The following CDH18 variants were observed in gnomAD, a reference collection of about 807,000 sequenced individuals.
CDH18 encodes cadherin-18.
Under a neutral mutation model 67.9 loss-of-function variants are expected in CDH18, and 31 were observed. That is an observed-to-expected ratio of 0.46 (90% CI 0.34 to 0.62). The LOEUF (loss-of-function observed/expected upper bound fraction) is 0.62, where lower values mean the gene tolerates loss of function less well. Among genes scored for constraint, CDH18 ranks in the 20% least tolerant of loss-of-function variants. The pLI, the probability that CDH18 is intolerant of heterozygous loss-of-function variation, is 0.01. For synonymous variants in CDH18, 362 were observed against 347.2 expected (o/e 1.04, Z -0.48); for missense variants, 890 against 975.5 (o/e 0.91, Z 1.17).
At chr5:20,072,347 G>A (rs559425765) in intron 2 of CDH18, among the ~76,000 whole-genome samples, 12 of 152,122 alleles carry the variant, frequency 7.9e-5, no homozygotes, top group African/African-American at 2.9e-4. Flanking sequence ...AGGTATCTGG[G>A]ATTAAAGTTT....
intron 5 of CDH18, among the ~76,000 whole-genome samples, chr5:19,676,125 A>G (rs1202253450): frequency 6.6e-6 from 1 of 152,032 alleles, no homozygotes; most frequent in Admixed American, 6.6e-5. Context: ...GGTCTCTGAA[A>G]TAACACAGTC....
intron 1 of CDH18, among the ~76,000 whole-genome samples, chr5:20,349,084 A>C (rs1231359054): frequency 6.6e-6 from 1 of 152,162 alleles, no homozygotes; most frequent in African/African-American, 2.4e-5. Context: ...AGAATAGTTA[A>C]AAAGTTGATA....
chr5:20,172,239 T>TAC lies in CDH18; in HGVS notation c.-518+83204_-518+83205insGT, dbSNP rs1491444874. ...ATATATATATGTATATATATATATA[T>TAC]GTATATATATATATATATCTCCTCT... On this transcript the variant is annotated intron_variant, in intron 2 of 14. Coordinates refer to the CDH18 transcript ENST00000507958. Among the ~76,000 whole-genome samples the TAC allele has an allele frequency of 2.0e-3, 111 of 54,440 alleles. 4 individuals carry two copies. The highest frequency in any genetic ancestry group is 3.0e-3 in the Non-Finnish European group (81 of 26,910). 35.7% of individuals were successfully genotyped at this position (54,440 alleles called of 152,430 possible). A position where few individuals can be genotyped will look rare whatever the true frequency, so the allele number is the denominator to read the frequency against.
At chr5:20,114,384 G>A (rs1035151340) in intron 2 of CDH18, among the ~76,000 whole-genome samples, 5 of 151,902 alleles carry the variant, frequency 3.3e-5, no homozygotes, top group South Asian at 2.1e-4. Context: ...CCTGAGACCC[G>A]ATAATATTTA....
chr5:20,549,298 C>A (rs538647625), intron 1 of CDH18, among the ~76,000 whole-genome samples: 1 of 152,078 alleles, frequency 6.6e-6, no homozygotes, highest in African/African-American at 2.4e-5. Flanking sequence ...TTTATTCTTT[C>A]ATATTGACAC....
At chr5:20,377,251 C>T (rs1057328410) in intron 1 of CDH18, among the ~76,000 whole-genome samples, 8 of 152,148 alleles carry the variant, frequency 5.3e-5, no homozygotes, top group African/African-American at 1.9e-4. Context: ...TTATTTCTAT[C>T]ATATACCATA....
At chr5:20,486,782 T>C (rs774517843) in intron 1 of CDH18, among the ~76,000 whole-genome samples, 1 of 151,908 alleles carries the variant, frequency 6.6e-6, no homozygotes, top group Non-Finnish European at 1.5e-5. Flanking sequence ...TGGTACTGTA[T>C]GTTATCTACT....
intron 1 of CDH18, among the ~76,000 whole-genome samples, chr5:20,563,626 A>C (rs948129855): frequency 1.2e-4 from 19 of 152,090 alleles, no homozygotes; most frequent in Middle Eastern, 3.2e-3. Flanking sequence ...TATACGTTTT[A>C]AATTGGTGTT....
At chr5:19,927,407 C>A (rs1353253556) in intron 2 of CDH18, among the ~76,000 whole-genome samples, 1 of 152,084 alleles carries the variant, frequency 6.6e-6, no homozygotes, top group Non-Finnish European at 1.5e-5. Flanking sequence ...CGCAACCTGC[C>A]AAATTCAAAA....
chr5:20,012,509 A>C lies in CDH18; in HGVS notation c.-517-20495T>G, dbSNP rs1316265388. Among the ~76,000 whole-genome samples the C allele has an allele frequency of 1.6e-4, 25 of 151,968 alleles. 1 individual carries two copies. The highest frequency in any genetic ancestry group is 1.6e-3 in the Admixed American group (25 of 15,218). ...TGAGAGCCAAATAAATAATGCAATC[A>C]CATTTCCAGTAGCTGCAAGAAGAAT... is the stretch of plus-strand genomic sequence containing the variant. On this transcript the variant is annotated intron_variant, in intron 2 of 14. Coordinates refer to the CDH18 transcript ENST00000507958.
chr5:20,537,829 C>G (rs79754888), intron 1 of CDH18, among the ~76,000 whole-genome samples: 1 of 152,112 alleles, frequency 6.6e-6, no homozygotes, highest in Admixed American at 6.6e-5. Flanking sequence ...TGTACTTTGT[C>G]GTCCTCTGTG....
chr5:20,388,541 T>G (rs2150111053), intron 1 of CDH18, among the ~76,000 whole-genome samples: 1 of 152,320 alleles, frequency 6.6e-6, no homozygotes, highest in South Asian at 2.1e-4. Flanking sequence ...CTTGATTTTT[T>G]GAAGGGTTTT....
At chr5:19,818,658 G>C (rs1182160744) in intron 3 of CDH18, among the ~76,000 whole-genome samples, 1 of 152,116 alleles carries the variant, frequency 6.6e-6, no homozygotes. Flanking sequence ...AGGCTATATG[G>C]TGCAGCCTAT....
chr5:19,477,816 A>G (rs574788515), intron 12 of CDH18, among the ~76,000 whole-genome samples: 1 of 152,272 alleles, frequency 6.6e-6, no homozygotes, highest in Non-Finnish European at 1.5e-5. Context: ...TACAAAAAAA[A>G]GAAAAGATAT....
intron 1 of CDH18, among the ~76,000 whole-genome samples, chr5:20,525,584 C>A: frequency 6.6e-6 from 1 of 152,154 alleles, no homozygotes; most frequent in Middle Eastern, 3.4e-3. Context: ...AGCTTACTAG[C>A]CAGGAGATGA....
chr5:20,304,344 C>T (rs1736226175), intron 1 of CDH18: 2 of 1,525,474 alleles, frequency 1.3e-6, no homozygotes, highest in Non-Finnish European at 9.1e-7. Flanking sequence ...AATTCATTAT[C>T]TTTCTTGTAA....
chr5:20,207,740 AG>A (rs890124490), intron 2 of CDH18, among the ~76,000 whole-genome samples: 29 of 152,138 alleles, frequency 1.9e-4, no homozygotes, highest in African/African-American at 7.0e-4. Flanking sequence ...GTGGGGACAC[AG>A]AGCCAAACCA....
At position 19,874,624 on chromosome 5, in the gene CDH18, G is replaced by A. The variant is rs551607291; in HGVS notation, c.-256-35382C>T. 6.2e-4 allele frequency among the ~76,000 whole-genome samples: 95 copies of A among 152,192 alleles called. No homozygotes were observed. In the South Asian group the frequency reaches 0.019, roughly 30 times the overall value. On this transcript the variant is annotated intron_variant, in intron 2 of 12. Transcript: ENST00000382275. ...GATTTGTTCCTTATTAGTAGAAAAT[G>A]ACTTTAATACATTTTAGAAAAATAA...
At chr5:20,141,916 T>G (rs917008168) in intron 2 of CDH18, among the ~76,000 whole-genome samples, 1 of 151,906 alleles carries the variant, frequency 6.6e-6, no homozygotes, top group Non-Finnish European at 1.5e-5. Flanking sequence ...GTATTAATAT[T>G]AAGAGTAAAA....
Sources: allele counts gnomAD v4.1 joint callset (sites outside exome capture counted in the v4.1 genomes callset), GRCh38; gene constraint gnomAD v4.1.1; transcripts MANE v1.5; gene names NCBI Gene and HGNC (gene_info 2026-07-23, HGNC 2026-07-21).